SCAMP4: variants seen among roughly 807,000 people sequenced by gnomAD.
SCAMP4 encodes secretory carrier-associated membrane protein 4.
SCAMP4 carries 19 observed loss-of-function variants against 32.1 expected under a neutral mutation model. That is an observed-to-expected ratio of 0.59 (90% CI 0.41 to 0.87). SCAMP4 has a LOEUF of 0.87. SCAMP4 is among the 40% of genes least tolerant of loss of function. The pLI is 0.00. For synonymous variants in SCAMP4, 152 were observed against 132.7 expected (o/e 1.15, Z -1.00); for missense variants, 302 against 309.0 (o/e 0.98, Z 0.17).
chr19:1,909,278 G>C (rs986608966), intron 1 of SCAMP4, among the ~76,000 whole-genome samples: 1 of 152,150 alleles, frequency 6.6e-6, no homozygotes, highest in African/African-American at 2.4e-5. Context: ...CAGAGGCGCT[G>C]TCCCCCAGGG....
At position 1,915,035 on chromosome 19, in the gene SCAMP4, T is replaced by G; in HGVS notation, c.7+9T>G. ...TGAAACAGAGATGTCAGGTGAGTCC[T>G]GCCTGCCTGGGAGCCTCCAGCAGCG... On this transcript the variant is annotated intron_variant, in intron 2 of 6. Transcript: ENST00000316097. 6.2e-7 allele frequency: 1 copy of G among 1,613,762 alleles called. No individual in the cohort carries two copies. Among genetic ancestry groups the G allele is most frequent in the South Asian group, 1.1e-5 (1 of 91,092 alleles).
At chr19:1,918,393 AAGAC>A in intron 4 of SCAMP4, 110 bp downstream of exon 4, 4 of 1,229,036 alleles carry the variant, frequency 3.3e-6, no homozygotes, top group Non-Finnish European at 3.3e-6. Context: ...CCCAGTGTGA[AAGAC>A]AGTTCACATC....
chr19:1,918,400 T>C (rs531948406), intron 4 of SCAMP4, 117 bp downstream of exon 4: 8 of 1,186,884 alleles, frequency 6.7e-6, no homozygotes, highest in Non-Finnish European at 8.0e-6. Context: ...TGAAAGACAG[T>C]TCACATCTGG....
intron 5 of SCAMP4, among the ~76,000 whole-genome samples, chr19:1,919,756 C>T (rs1409468688): frequency 1.3e-5 from 2 of 151,908 alleles, no homozygotes; most frequent in East Asian, 3.9e-4. Flanking sequence ...TTCTCAGCCT[C>T]CCAAAGTGCT....
rs963570691 is a variant in SCAMP4 at position 1,922,508 on chromosome 19, G to T, written c.396-562G>T. ...CCTCGGCCTCCCAAAGTGCTGGGACGACAGGCGTAAGCCTCTGCGCCCGGC... is the reference window on the plus strand; with the variant it reads ...CCTCGGCCTCCCAAAGTGCTGGGACTACAGGCGTAAGCCTCTGCGCCCGGC... On this transcript the variant is annotated intron_variant, in intron 5 of 6. Transcript: ENST00000316097. 1.5e-5 allele frequency: 15 copies of T among 982,180 alleles called. No individual in the cohort carries two copies. The East Asian group carries it at 3.4e-4, about 22-fold the overall frequency. 60.8% of individuals were successfully genotyped at this position (982,180 alleles called of 1,614,324 possible).
At chr19:1,918,069 C>G in intron 3 of SCAMP4, 58 bp from the exon 4 acceptor site, 1 of 1,562,536 alleles carries the variant, frequency 6.4e-7, no homozygotes, top group Non-Finnish European at 8.7e-7. Context: ...TGGGCCCATG[C>G]TTTCCCACGG....
In SCAMP4 at chr19:1,920,702, T is replaced by G; in HGVS notation, c.395+1712T>G. The stretch of plus-strand genomic sequence containing the variant: ...CGTCATCCTCCGAGTCCTCCTGAGC[T>G]CCCAGCTGCCAGCTCGGCTCCCACT... On this transcript the variant is annotated intron_variant, in intron 5 of 6. Transcript: ENST00000316097. The G allele has an allele frequency of 3.0e-6, 3 of 985,442 alleles. No individual in the cohort carries two copies. The South Asian group carries it at 1.4e-4, about 46-fold the overall frequency. The allele number at this position is 985,442 out of a possible 1,614,324, so 61.0% of individuals were successfully genotyped here.
At chr19:1,916,327 C>G (rs931585703) in intron 2 of SCAMP4, among the ~76,000 whole-genome samples, 1 of 152,090 alleles carries the variant, frequency 6.6e-6, no homozygotes, top group Non-Finnish European at 1.5e-5. Flanking sequence ...GCCAAGGGCG[C>G]TGGGATCCCC....
intron 4 of SCAMP4, 82 bp from the exon 5 acceptor site, chr19:1,918,807 C>T (rs972301368): frequency 5.7e-5 from 87 of 1,533,570 alleles, no homozygotes; most frequent in Non-Finnish European, 7.3e-5. Flanking sequence ...CTCTCACCAT[C>T]TCTGACTGGC....
intron 5 of SCAMP4, chr19:1,920,858 G>A (rs1408940436): frequency 1.7e-5 from 17 of 985,344 alleles, no homozygotes; most frequent in Non-Finnish European, 2.0e-5. Context: ...TGAGGTGAGT[G>A]CCCACATGTG....
At chr19:1,922,933 A>T (rs566081170) in intron 5 of SCAMP4, 137 bp from the exon 6 acceptor site, 1 of 1,353,640 alleles carries the variant, frequency 7.4e-7, no homozygotes, top group Non-Finnish European at 9.5e-7. Context: ...TTTGTTGGCC[A>T]CTTGGTCGTC....
At chr19:1,922,885 C>T in intron 5 of SCAMP4, 185 bp from the exon 6 acceptor site, 2 of 1,334,044 alleles carry the variant, frequency 1.5e-6, no homozygotes, top group Non-Finnish European at 1.9e-6. Context: ...AGGTCGTATT[C>T]ACGCGTTGAA....
intron 5 of SCAMP4, chr19:1,922,493 C>A: frequency 2.1e-6 from 2 of 972,492 alleles, no homozygotes; most frequent in South Asian, 9.5e-5. Context: ...CCTCGGCCTC[C>A]CAAAGTGCTG....
chr19:1,922,888 G>T, intron 5 of SCAMP4, 182 bp from the exon 6 acceptor site: 1 of 1,331,856 alleles, frequency 7.5e-7, no homozygotes. Flanking sequence ...TCGTATTCAC[G>T]CGTTGAAGTT....
chr19:1,922,526 C>T lies in SCAMP4; in HGVS notation c.396-544C>T, dbSNP rs374644837. The T allele has an allele frequency of 7.4e-5, 73 of 985,260 alleles. 1 individual carries two copies. Among genetic ancestry groups the T allele is most frequent in the Middle Eastern group, 1.0e-3 (2 of 1,914 alleles). 61.0% of individuals were successfully genotyped at this position (985,260 alleles called of 1,614,324 possible). ...CTGGGACGACAGGCGTAAGCCTCTG[C>T]GCCCGGCCTCCTCATTGTTTCTAAT... On this transcript the variant is annotated intron_variant, in intron 5 of 6. Transcript: ENST00000316097.
chr19:1,919,978 T>C (rs1390283771), intron 5 of SCAMP4: 4 of 202,514 alleles, frequency 2.0e-5, no homozygotes, highest in Non-Finnish European at 3.5e-5. Context: ...CCCAGCAAAT[T>C]TTTGTATTTT....
chr19:1,917,908 CG>C (rs1235226954), intron 3 of SCAMP4, 86 bp downstream of exon 3: 15 of 1,552,348 alleles, frequency 9.7e-6, no homozygotes, highest in Non-Finnish European at 1.2e-5. Flanking sequence ...GGCAGCCCGT[CG>C]GGGGCCCACC....
At chr19:1,917,412 C>A (rs2013767583) in intron 2 of SCAMP4, among the ~76,000 whole-genome samples, 1 of 152,214 alleles carries the variant, frequency 6.6e-6, no homozygotes, top group South Asian at 2.1e-4. Context: ...TCCCGCCTTG[C>A]CCAGCGTCTA....
chr19:1,923,290 C>A (rs1410917507), intron 6 of SCAMP4, 103 bp downstream of exon 6: 2 of 996,160 alleles, frequency 2.0e-6, no homozygotes, highest in African/African-American at 1.6e-5. Context: ...GGCCCTCTCC[C>A]CACGGTGTCA....
Sources: allele counts gnomAD v4.1 joint callset (sites outside exome capture counted in the v4.1 genomes callset), GRCh38; gene constraint gnomAD v4.1.1; transcripts MANE v1.5; gene names NCBI Gene and HGNC (gene_info 2026-07-23, HGNC 2026-07-21).